The following NPAS3 variants were observed in gnomAD, a reference collection of about 807,000 sequenced individuals.
NPAS3 encodes neuronal PAS domain-containing protein 3.
In NPAS3, 14 loss-of-function variants were observed where a neutral mutation model predicts 73.1. The observed-to-expected ratio is 0.19, with a 90% CI of 0.13 to 0.30. NPAS3 has a LOEUF of 0.30. Among genes scored for constraint, NPAS3 ranks in the 10% least tolerant of loss-of-function variants. The pLI, the probability that NPAS3 is intolerant of heterozygous loss-of-function variation, is 1.00. For synonymous variants in NPAS3, 620 were observed against 541.5 expected (o/e 1.14, Z -2.01); for missense variants, 1,096 against 1,250.0 (o/e 0.88, Z 1.86).
intron 4 of NPAS3, among the ~76,000 whole-genome samples, chr14:33,552,077 A>C (rs1045681801): frequency 1.3e-5 from 2 of 151,980 alleles, no homozygotes; most frequent in African/African-American, 2.4e-5. Context: ...ACCTTGTCTC[A>C]CTCCCCTTTG....
intron 2 of NPAS3, among the ~76,000 whole-genome samples, chr14:33,208,144 G>C (rs2046900837): frequency 6.6e-6 from 1 of 151,804 alleles, no homozygotes; most frequent in Admixed American, 6.6e-5. Context: ...CAGTTGTATA[G>C]TTTAAAGTTC....
chr14:33,113,839 C>T (rs2138985810), intron 2 of NPAS3, among the ~76,000 whole-genome samples: 1 of 152,150 alleles, frequency 6.6e-6, no homozygotes, highest in South Asian at 2.1e-4. Context: ...TGAGATACGT[C>T]CCATCAATAC....
chr14:33,566,762 A>G (rs1210133422), intron 5 of NPAS3, among the ~76,000 whole-genome samples: 1 of 152,170 alleles, frequency 6.6e-6, no homozygotes, highest in Non-Finnish European at 1.5e-5. Context: ...ATCTTTACAT[A>G]GAACCCTTCT....
At chr14:33,345,569 G>T (rs1022348668) in intron 3 of NPAS3, among the ~76,000 whole-genome samples, 2 of 152,172 alleles carry the variant, frequency 1.3e-5, no homozygotes, top group African/African-American at 4.8e-5. Context: ...ACTTTAGAGT[G>T]CATTTATAGC....
intron 2 of NPAS3, among the ~76,000 whole-genome samples, chr14:33,212,002 T>C (rs549550223): frequency 2.0e-5 from 3 of 152,328 alleles, no homozygotes; most frequent in South Asian, 4.1e-4. Flanking sequence ...CTATCTTTAG[T>C]ACTCTAGACA....
At chr14:33,464,218 A>T (rs1172737941) in intron 4 of NPAS3, among the ~76,000 whole-genome samples, 1 of 152,206 alleles carries the variant, frequency 6.6e-6, no homozygotes, top group Non-Finnish European at 1.5e-5. Flanking sequence ...CAGTGCCACA[A>T]ATCTACATGT....
chr14:33,784,745 A>ATTTATTTTTTTTTTTTT (rs1471526546), intron 9 of NPAS3, among the ~76,000 whole-genome samples: 2 of 73,860 alleles, frequency 2.7e-5, no homozygotes, highest in African/African-American at 6.2e-5. Context: ...TTATTTATTT[A>ATTTATTTTTTTTTTTTT]TTTTTTTTTT....
chr14:33,686,429 A>C (rs147839778), intron 6 of NPAS3, among the ~76,000 whole-genome samples: 12 of 152,302 alleles, frequency 7.9e-5, no homozygotes, highest in African/African-American at 2.9e-4. Flanking sequence ...TAAATACAAA[A>C]AAGTTTAGAA....
At chr14:33,094,043 A>G (rs2042321245) in intron 2 of NPAS3, among the ~76,000 whole-genome samples, 1 of 152,030 alleles carries the variant, frequency 6.6e-6, no homozygotes, top group Non-Finnish European at 1.5e-5. Context: ...GGTGCAGCAC[A>G]CCAACATGGC....
intron 10 of NPAS3, 48 bp from the exon 11 acceptor site, chr14:33,797,409 C>T: frequency 6.3e-7 from 1 of 1,592,992 alleles, no homozygotes; most frequent in African/African-American, 1.3e-5. Flanking sequence ...CCAAACAAAC[C>T]ATGCAGAATG....
intron 2 of NPAS3, among the ~76,000 whole-genome samples, chr14:33,156,166 T>A (rs1243769664): frequency 6.6e-6 from 1 of 152,120 alleles, no homozygotes. Context: ...TCATGGTAGT[T>A]ATAGTAAGTA....
intron 2 of NPAS3, among the ~76,000 whole-genome samples, chr14:33,168,697 C>A (rs576824008): frequency 1.3e-5 from 2 of 152,242 alleles, no homozygotes; most frequent in South Asian, 4.1e-4. Context: ...TCCTTCATTT[C>A]AGTCTCTACT....
intron 10 of NPAS3, among the ~76,000 whole-genome samples, chr14:33,794,711 A>G (rs192282927): frequency 3.3e-5 from 5 of 151,908 alleles, no homozygotes; most frequent in Non-Finnish European, 7.4e-5. Context: ...CCCAAGCTCA[A>G]CTGCTTCCTA....
At chr14:33,328,090 A>C (rs1248564485) in intron 3 of NPAS3, among the ~76,000 whole-genome samples, 1 of 152,178 alleles carries the variant, frequency 6.6e-6, no homozygotes, top group Non-Finnish European at 1.5e-5. Flanking sequence ...GTATTTGAAA[A>C]GTGTAATGGG....
intron 5 of NPAS3, among the ~76,000 whole-genome samples, chr14:33,642,176 T>A (rs2058692268): frequency 1.3e-5 from 2 of 152,200 alleles, no homozygotes; most frequent in South Asian, 2.1e-4. Flanking sequence ...TCCTGCTGTG[T>A]CCTGTCTTCA....
chr14:33,180,831 G>A (rs956891504), intron 2 of NPAS3, among the ~76,000 whole-genome samples: 4 of 145,920 alleles, frequency 2.7e-5, no homozygotes, highest in African/African-American at 1.0e-4. Context: ...AAAAAGACAC[G>A]GTAGGGGTGG....
intron 2 of NPAS3, among the ~76,000 whole-genome samples, chr14:33,076,986 T>C: frequency 6.6e-6 from 1 of 152,164 alleles, no homozygotes. Context: ...GCTTATTCAT[T>C]TGTATAAAGA....
intron 4 of NPAS3, among the ~76,000 whole-genome samples, chr14:33,497,797 A>T (rs552375568): frequency 6.6e-6 from 1 of 152,258 alleles, no homozygotes; most frequent in African/African-American, 2.4e-5. Flanking sequence ...GGCAGACTTC[A>T]TGACTAAATC....
At chr14:33,570,338 C>G (rs2056151411) in intron 5 of NPAS3, among the ~76,000 whole-genome samples, 1 of 152,172 alleles carries the variant, frequency 6.6e-6, no homozygotes, top group Non-Finnish European at 1.5e-5. Flanking sequence ...ACTGTTCAGT[C>G]TAGTTGTCCA....
Sources: allele counts gnomAD v4.1 joint callset (sites outside exome capture counted in the v4.1 genomes callset), GRCh38; gene constraint gnomAD v4.1.1; transcripts MANE v1.5; gene names NCBI Gene and HGNC (gene_info 2026-07-23, HGNC 2026-07-21).